AUTS2: variants seen among roughly 807,000 people sequenced by gnomAD.
AUTS2 encodes activator of transcription and developmental regulator AUTS2.
Under a neutral mutation model 112.4 loss-of-function variants are expected in AUTS2, and 17 were observed. The observed-to-expected ratio is 0.15, with a 90% CI of 0.10 to 0.23. The LOEUF (loss-of-function observed/expected upper bound fraction) is 0.23. AUTS2 is among the 10% of genes least tolerant of loss of function. AUTS2 has a pLI of 1.00. For missense variants in AUTS2, 1,510 were observed against 1,701.6 expected, an observed-to-expected ratio of 0.89 and a Z score of 1.98; for synonymous variants, 751 against 702.7, an observed-to-expected ratio of 1.07 and a Z score of -1.09.
chr7:69,634,166 TG>T (rs1304188399), intron 1 of AUTS2, among the ~76,000 whole-genome samples: 13 of 151,118 alleles, frequency 8.6e-5, no homozygotes, highest in African/African-American at 3.2e-4. Flanking sequence ...GTGGCCCAGG[TG>T]GGAGTGCAGT....
At chr7:70,599,088 A>G (rs370293008) in intron 5 of AUTS2, among the ~76,000 whole-genome samples, 1 of 152,322 alleles carries the variant, frequency 6.6e-6, no homozygotes, top group Non-Finnish European at 1.5e-5. Flanking sequence ...GGTTCCCTGC[A>G]TAGGCTGTGT....
At chr7:69,991,206 C>T (rs1798729120) in intron 2 of AUTS2, among the ~76,000 whole-genome samples, 1 of 152,200 alleles carries the variant, frequency 6.6e-6, no homozygotes, top group African/African-American at 2.4e-5. Context: ...CTTCATTTCC[C>T]TTCACTGCGT....
chr7:70,585,065 A>G (rs910400166), intron 5 of AUTS2, among the ~76,000 whole-genome samples: 1 of 152,218 alleles, frequency 6.6e-6, no homozygotes. Flanking sequence ...ATTCAGCACT[A>G]TTTCAAATCT....
intron 2 of AUTS2, among the ~76,000 whole-genome samples, chr7:70,114,698 G>A (rs1002002276): frequency 6.6e-6 from 1 of 152,174 alleles, no homozygotes; most frequent in Non-Finnish European, 1.5e-5. Flanking sequence ...CTACTCAGGA[G>A]GCTGAGGCAG....
intron 1 of AUTS2, among the ~76,000 whole-genome samples, chr7:69,868,081 T>C (rs952296466): frequency 2.6e-5 from 4 of 152,046 alleles, no homozygotes; most frequent in Non-Finnish European, 5.9e-5. Flanking sequence ...GAAGAAAAAT[T>C]TAAGTTTATT....
intron 2 of AUTS2, among the ~76,000 whole-genome samples, chr7:69,924,548 C>CTTT (rs571921874): frequency 7.0e-6 from 1 of 142,620 alleles, no homozygotes; most frequent in African/African-American, 2.6e-5. Flanking sequence ...TCTTTCTTTT[C>CTTT]TTTTTTTTTT....
At chr7:70,581,839 T>C (rs1275894599) in intron 5 of AUTS2, among the ~76,000 whole-genome samples, 1 of 152,200 alleles carries the variant, frequency 6.6e-6, no homozygotes, top group Non-Finnish European at 1.5e-5. Flanking sequence ...GTTTCTAAAT[T>C]CCTTTACATT....
intron 4 of AUTS2, among the ~76,000 whole-genome samples, chr7:70,399,860 C>T (rs531062817): frequency 6.6e-6 from 1 of 152,116 alleles, no homozygotes; most frequent in African/African-American, 2.4e-5. Flanking sequence ...AGTGTGTAGA[C>T]TAGAGAATAG....
Position 69,699,216 on chromosome 7 carries a change from ATATAT to A in AUTS2, c.309+99257_309+99261del, listed in dbSNP as rs531068066. On this transcript the variant is annotated intron_variant, in intron 1 of 18. Transcript: ENST00000342771. ...ATTATTGTTCATTTCTGAGTAGGTA[ATATAT>A]TAATATGATCCCAAAAGCAAAATTG... 1.4e-4 allele frequency among the ~76,000 whole-genome samples: 22 copies of A among 152,298 alleles called. No individual in the cohort carries two copies. In the South Asian group the frequency reaches 4.4e-3, roughly 30 times the overall value.
chr7:69,768,768 C>T (rs1402111904), intron 1 of AUTS2, among the ~76,000 whole-genome samples: 1 of 152,140 alleles, frequency 6.6e-6, no homozygotes, highest in Non-Finnish European at 1.5e-5. Context: ...AAATGAGTCA[C>T]AGAGGAGGAA....
chr7:70,289,424 G>A (rs919987960), intron 4 of AUTS2, among the ~76,000 whole-genome samples: 25 of 152,144 alleles, frequency 1.6e-4, no homozygotes, highest in African/African-American at 5.8e-4. Flanking sequence ...GGTGTCTATC[G>A]ACAGCCTTCT....
intron 5 of AUTS2, among the ~76,000 whole-genome samples, chr7:70,630,231 C>G (rs1300553397): frequency 6.6e-6 from 1 of 152,152 alleles, no homozygotes; most frequent in Non-Finnish European, 1.5e-5. Context: ...GAGCGGAAAG[C>G]TGGGCTCTGG....
At chr7:70,452,972 T>TCTCCAGCCTCCTGGGCCCCTCTCTC (rs1287337596) in intron 5 of AUTS2, among the ~76,000 whole-genome samples, 1 of 152,168 alleles carries the variant, frequency 6.6e-6, no homozygotes, top group East Asian at 1.9e-4. Flanking sequence ...TTAAGTATCT[T>TCTCCAGCCTCCTGGGCCCCTCTCTC]CTCCAGCCTC....
At chr7:70,582,158 A>T (rs181299200) in intron 5 of AUTS2, among the ~76,000 whole-genome samples, 9 of 152,200 alleles carry the variant, frequency 5.9e-5, no homozygotes, top group African/African-American at 1.2e-4. Flanking sequence ...GAAATTATAG[A>T]ATTAATGGAA....
chr7:70,746,834 GTGA>G (rs1788484594), intron 6 of AUTS2, among the ~76,000 whole-genome samples: 1 of 152,202 alleles, frequency 6.6e-6, no homozygotes, highest in East Asian at 1.9e-4. Context: ...GTTATAAGTA[GTGA>G]TTATTGTCAG....
At chr7:69,734,795 G>C (rs1300493547) in intron 1 of AUTS2, among the ~76,000 whole-genome samples, 1 of 152,130 alleles carries the variant, frequency 6.6e-6, no homozygotes, top group Non-Finnish European at 1.5e-5. Flanking sequence ...CAGATGGTCA[G>C]TGAGATTATA....
intron 4 of AUTS2, chr7:70,293,015 A>T (rs1161903984): frequency 6.6e-6 from 1 of 152,144 alleles, no homozygotes; most frequent in Non-Finnish European, 1.5e-5. Flanking sequence ...TAGCAAGCTC[A>T]TTCTTATCCT....
intron 4 of AUTS2, among the ~76,000 whole-genome samples, chr7:70,387,618 T>C (rs1486092566): frequency 1.3e-5 from 2 of 152,246 alleles, no homozygotes; most frequent in Non-Finnish European, 2.9e-5. Context: ...GCTTTCCGTC[T>C]TTCCTAATGT....
At chr7:70,695,195 CT>C (rs1007391965) in intron 5 of AUTS2, 2 of 152,388 alleles carry the variant, frequency 1.3e-5, no homozygotes, top group Non-Finnish European at 2.9e-5. Flanking sequence ...CCAAGCGCCC[CT>C]TCGCTACCCC....
Sources: allele counts gnomAD v4.1 joint callset (sites outside exome capture counted in the v4.1 genomes callset), GRCh38; gene constraint gnomAD v4.1.1; transcripts MANE v1.5; gene names NCBI Gene and HGNC (gene_info 2026-07-23, HGNC 2026-07-21).